DLGAP2: variants seen among roughly 807,000 people sequenced by gnomAD.
The protein encoded by DLGAP2 is DLG associated protein 2.
Under a neutral mutation model 100.3 loss-of-function variants are expected in DLGAP2, and 26 were observed. That is an observed-to-expected ratio of 0.26 (90% CI 0.19 to 0.36). DLGAP2 has a LOEUF of 0.36. DLGAP2 is among the 10% of genes least tolerant of loss of function. The probability of loss-of-function intolerance (pLI) is 1.00; values close to 1 mark genes in which losing one functional copy is unlikely to be tolerated. For missense variants in DLGAP2, 1,858 were observed against 1,453.2 expected (o/e 1.28, Z -4.53); for synonymous variants, 886 against 630.1 (o/e 1.41, Z -6.08).
At chr8:1,139,947 G>C (rs547751353) in intron 2 of DLGAP2, among the ~76,000 whole-genome samples, 3 of 152,200 alleles carry the variant, frequency 2.0e-5, no homozygotes, top group Non-Finnish European at 4.4e-5. Flanking sequence ...GGCAGAGCGA[G>C]GCTTGAACTT....
In DLGAP2 at chr8:1,485,612, C is replaced by T. The variant is rs569242039; in HGVS notation, c.107-15754C>T. Among the ~76,000 whole-genome samples, 5 of 152,352 alleles carry T rather than the reference C, an allele frequency of 3.3e-5. No individual in the cohort carries two copies. In the South Asian group the frequency reaches 8.3e-4, roughly 25 times the overall value. ...CCGTTCTTGGTTCACTGAAGGAGAA[C>T]GCTTCAGTTCCCCCTCCCAGCTCCC... On this transcript the variant is annotated intron_variant, in intron 3 of 14. Transcript: ENST00000637795.
At chr8:1,135,556 G>C (rs948992113) in intron 2 of DLGAP2, among the ~76,000 whole-genome samples, 2 of 113,726 alleles carry the variant, frequency 1.8e-5, no homozygotes, top group Non-Finnish European at 3.3e-5. Flanking sequence ...GCTAGACTCT[G>C]AAAAGGGGCA....
intron 2 of DLGAP2, among the ~76,000 whole-genome samples, chr8:1,152,164 A>G (rs1439412474): frequency 6.6e-6 from 1 of 152,188 alleles, no homozygotes; most frequent in Admixed American, 6.5e-5. Context: ...GTAGACATTT[A>G]TCTATTTTGC....
At chr8:1,532,601 A>G (rs978402958) in intron 4 of DLGAP2, among the ~76,000 whole-genome samples, 3 of 152,228 alleles carry the variant, frequency 2.0e-5, no homozygotes, top group South Asian at 2.1e-4. Context: ...CAAATAATCA[A>G]TTCTTGCTTT....
At chr8:1,699,727 C>T (rs1251188964) in intron 14 of DLGAP2, among the ~76,000 whole-genome samples, 1 of 152,224 alleles carries the variant, frequency 6.6e-6, no homozygotes, top group African/African-American at 2.4e-5. Context: ...ACAGGAGGCC[C>T]TGCCCCTCCT....
At chr8:862,325 C>T (rs929228200) in intron 1 of DLGAP2, among the ~76,000 whole-genome samples, 2 of 144,702 alleles carry the variant, frequency 1.4e-5, no homozygotes, top group Admixed American at 7.0e-5. Flanking sequence ...TTTCTTGAGA[C>T]GTAGTCTCAC....
At chr8:1,418,196 C>T (rs1390437877) in intron 3 of DLGAP2, among the ~76,000 whole-genome samples, 1 of 152,140 alleles carries the variant, frequency 6.6e-6, no homozygotes, top group African/African-American at 2.4e-5. Flanking sequence ...TTGGGTGGCC[C>T]AAAGAATGAT....
chr8:998,083 AC>A (rs756792018), intron 2 of DLGAP2, among the ~76,000 whole-genome samples: 1 of 152,052 alleles, frequency 6.6e-6, no homozygotes, highest in Non-Finnish European at 1.5e-5. Flanking sequence ...ATGTGCACAC[AC>A]CCGTGTCTGC....
rs138929179 is a variant in DLGAP2 at position 1,455,288 on chromosome 8, G to A, written c.107-46078G>A. 5.3e-4 allele frequency among the ~76,000 whole-genome samples: 80 copies of A among 152,350 alleles called. No individual in the cohort carries two copies. In the Middle Eastern group the frequency reaches 0.024, roughly 45 times the overall value. ...CCATCTCAGGCACTGATTCTCATGC[G>A]CTGGGGCAGGGCCCCTCTGGAGCTG... is the stretch of plus-strand genomic sequence containing the variant. On this transcript the variant is annotated intron_variant, in intron 3 of 14. Transcript: ENST00000637795.
intron 2 of DLGAP2, among the ~76,000 whole-genome samples, chr8:1,049,019 C>T (rs1004170649): frequency 1.3e-4 from 20 of 152,198 alleles, no homozygotes; most frequent in Admixed American, 5.2e-4. Flanking sequence ...TTCAGAATGA[C>T]ATTGATAAGA....
chr8:824,124 G>A (rs1796641506), intron 1 of DLGAP2, among the ~76,000 whole-genome samples: 2 of 151,238 alleles, frequency 1.3e-5, no homozygotes, highest in East Asian at 1.9e-4. Context: ...ACTCAGGCTG[G>A]AATGCAGTGG....
At chr8:1,589,376 C>A (rs1796222490) in intron 6 of DLGAP2, among the ~76,000 whole-genome samples, 1 of 152,150 alleles carries the variant, frequency 6.6e-6, no homozygotes, top group South Asian at 2.1e-4. Context: ...AACAATAATT[C>A]TGTGTGTTTC....
At chr8:799,997 A>G (rs370703145) in intron 1 of DLGAP2, among the ~76,000 whole-genome samples, 2 of 152,250 alleles carry the variant, frequency 1.3e-5, no homozygotes, top group African/African-American at 4.8e-5. Flanking sequence ...AGCCGCAGTG[A>G]TGGCCAGACA....
At chr8:797,670 C>G (rs1213475716) in intron 1 of DLGAP2, among the ~76,000 whole-genome samples, 1 of 152,230 alleles carries the variant, frequency 6.6e-6, no homozygotes, top group Non-Finnish European at 1.5e-5. Flanking sequence ...ATACTCCCAC[C>G]AGGCAGGGCT....
chr8:1,257,779 T>A (rs1262508293), intron 2 of DLGAP2, among the ~76,000 whole-genome samples: 1 of 151,996 alleles, frequency 6.6e-6, no homozygotes. Context: ...CGAGGGCCCG[T>A]GCAGGCCAGT....
At chr8:1,052,645 A>G (rs369330435) in intron 2 of DLGAP2, among the ~76,000 whole-genome samples, 3 of 152,178 alleles carry the variant, frequency 2.0e-5, no homozygotes. Context: ...AACAAACCCC[A>G]TAGATGTTGC....
At chr8:825,019 A>G (rs554673635) in intron 1 of DLGAP2, among the ~76,000 whole-genome samples, 2 of 152,232 alleles carry the variant, frequency 1.3e-5, no homozygotes, top group South Asian at 4.2e-4. Flanking sequence ...GACAAGCAGC[A>G]CCCTGTGTTG....
intron 1 of DLGAP2, among the ~76,000 whole-genome samples, chr8:870,211 C>T (rs747330511): frequency 3.3e-5 from 5 of 152,130 alleles, no homozygotes; most frequent in African/African-American, 1.2e-4. Flanking sequence ...AAAGTTTTCT[C>T]GCCGATATTT....
intron 2 of DLGAP2, chr8:1,018,741 A>T (rs964689558): frequency 6.6e-6 from 1 of 152,228 alleles, no homozygotes; most frequent in Non-Finnish European, 1.5e-5. Flanking sequence ...TATTTTGTTA[A>T]TTCAAAGGAA....
Sources: allele counts gnomAD v4.1 joint callset (sites outside exome capture counted in the v4.1 genomes callset), GRCh38; gene constraint gnomAD v4.1.1; transcripts MANE v1.5; gene names NCBI Gene and HGNC (gene_info 2026-07-23, HGNC 2026-07-21).